ENDOG: variants seen among roughly 807,000 people sequenced by gnomAD.
ENDOG encodes endonuclease G.
In ENDOG, 22 loss-of-function variants were observed where a neutral mutation model predicts 22.6. That is an observed-to-expected ratio of 0.97 (90% confidence interval 0.70 to 1.39). ENDOG has a LOEUF of 1.39. Among genes scored for constraint, ENDOG ranks in the 40% most tolerant of loss-of-function variants. The pLI, the probability that ENDOG is intolerant of heterozygous loss-of-function variation, is 0.00. For synonymous variants in ENDOG, 173 were observed against 200.2 expected, an observed-to-expected ratio of 0.86 and a Z score of 1.15; for missense variants, 403 against 431.3, an observed-to-expected ratio of 0.93 and a Z score of 0.58.
At chr9:128,822,068 G>A (rs981737704) in intron 2 of ENDOG, 17 of 536,326 alleles carry the variant, frequency 3.2e-5, no homozygotes, top group African/African-American at 9.5e-5. Context: ...CAGAAGGCTC[G>A]ATTCTCCTAG....
Position 128,820,651 on chromosome 9 carries a change from G to A in ENDOG, c.502-88G>A, listed in dbSNP as rs561556759. 4.1e-5 allele frequency: 45 copies of A among 1,089,338 alleles called. No individual in the cohort carries two copies. In the Admixed American group the frequency reaches 5.5e-4, roughly 13 times the overall value. The allele number at this position is 1,089,338 out of a possible 1,614,324, so 67.5% of individuals were successfully genotyped here. A position where few individuals can be genotyped will look rare whatever the true frequency, so the allele number is the denominator to read the frequency against. ...TGTCTCACTGGATATCTCTGAGCCT[G>A]TCCATCCCCTCAGGACCTGGGGCGG... On this transcript the variant is annotated intron_variant, in intron 1 of 2. Transcript: ENST00000372642.
chr9:128,819,032 C>T lies in ENDOG; in HGVS notation c.348C>T (p.Arg116=). ...GDGDRRECDF[R]EDDSVHAYHR... is the part of the protein sequence containing the mutation. ...GCGACCGGCGCGAGTGCGACTTCCG[C>T]GAGGACGACTCGGTGCACGCGTACC... The change falls in exon 1 of 3, where the codon CGC becomes CGT. Residue 116 remains arginine, a synonymous_variant. Transcript: ENST00000372642. The T allele has an allele frequency of 6.7e-7, 1 of 1,495,862 alleles. No individual in the cohort carries two copies. 92.7% of individuals were successfully genotyped at this position (1,495,862 alleles called of 1,614,324 possible). A position where few individuals can be genotyped will look rare whatever the true frequency, so the allele number is the denominator to read the frequency against.
chr9:128,818,641 T>G lies in ENDOG; in HGVS notation c.-44T>G. ...CGTTGGATCCCGCGACGCGGCTCCT[T>G]TAAGAGCCTCGCGGGTCGCCCGCCG... On this transcript the variant is annotated 5_prime_UTR_variant, in exon 1 of 3. Coordinates refer to ENST00000372642, the MANE Select transcript of ENDOG (RefSeq NM_004435.2). 1 of 1,145,968 alleles carries G rather than the reference T, an allele frequency of 8.7e-7. No individual in the cohort carries two copies. Among genetic ancestry groups the G allele is most frequent in the Non-Finnish European group, 1.1e-6 (1 of 932,824 alleles). The allele number at this position is 1,145,968 out of a possible 1,614,324, so 71.0% of individuals were successfully genotyped here.
intron 1 of ENDOG, 107 bp downstream of exon 1, chr9:128,819,292 C>G (rs897944698): frequency 1.1e-5 from 15 of 1,355,752 alleles, no homozygotes; most frequent in African/African-American, 1.1e-4. Context: ...AACGCGCCCC[C>G]GGTCAGGCAT....
intron 2 of ENDOG, chr9:128,821,649 A>T: frequency 6.5e-6 from 1 of 154,530 alleles, no homozygotes; most frequent in Non-Finnish European, 1.4e-5. Flanking sequence ...GCTGAGAGGC[A>T]ACAGGTCCAG....
chr9:128,820,500 C>T lies in ENDOG; in HGVS notation c.502-239C>T, dbSNP rs1416276039. On this transcript the variant is annotated intron_variant, in intron 1 of 2. Transcript: ENST00000372642. ...AGACAGGCTCTTCCTTCATTCGACT[C>T]TTGGGAGCTGAGAAAAGACTTTGAC... is the stretch of plus-strand genomic sequence containing the variant. The T allele has an allele frequency of 2.1e-5, 11 of 531,046 alleles. No homozygotes were observed. The East Asian group carries it at 3.1e-4, about 15-fold the overall frequency. The allele number at this position is 531,046 out of a possible 1,614,324, so 32.9% of individuals were successfully genotyped here.
At chr9:128,822,249 A>G (rs981852271) in intron 2 of ENDOG, 79 bp from the exon 3 acceptor site, 2 of 1,539,356 alleles carry the variant, frequency 1.3e-6, no homozygotes, top group African/African-American at 2.7e-5. Flanking sequence ...TAGAGGACAG[A>G]TCAGGGAAGG....
At position 128,818,860 on chromosome 9, in the gene ENDOG, G is replaced by T. The variant is rs1337340906; in HGVS notation, c.176G>T (p.Arg59Leu). ...AELPPVPGGP[R>L]GPGELAKYGL... ...TTGCCCCCTGTGCCCGGGGGACCCC[G>T]CGGCCCGGGCGAGCTGGCCAAGTAC... The change falls in exon 1 of 3, where the codon CGC (arginine) becomes CTC (leucine). Residue 59 changes from arginine to leucine, a missense_variant. Transcript: ENST00000372642. 1 of 1,408,432 alleles carries T rather than the reference G, an allele frequency of 7.1e-7. No homozygotes were observed. Among genetic ancestry groups the T allele is most frequent in the South Asian group, 1.5e-5 (1 of 66,820 alleles). 87.2% of individuals were successfully genotyped at this position (1,408,432 alleles called of 1,614,324 possible).
intron 2 of ENDOG, 189 bp from the exon 3 acceptor site, chr9:128,822,139 A>G: frequency 1.5e-6 from 1 of 657,982 alleles, no homozygotes. Flanking sequence ...AACAGAGGGA[A>G]AGAGTTAACC....
Position 128,818,755 on chromosome 9 carries a change from G to T in ENDOG, c.71G>T (p.Arg24Leu), listed in dbSNP as rs1366960219. The T allele has an allele frequency of 7.7e-6, 9 of 1,174,536 alleles. No homozygotes were observed. The highest frequency in any genetic ancestry group is 9.5e-6 in the Non-Finnish European group (9 of 951,988). The allele number at this position is 1,174,536 out of a possible 1,614,324, so 72.8% of individuals were successfully genotyped here. Reference sequence around the variant, plus strand: ...CTGGGTGCGGTCGTCGAGGGCTGGCGGCGGCGGCGGGAGGACGCGCGGGCG... The same window carrying T: ...CTGGGTGCGGTCGTCGAGGGCTGGCTGCGGCGGCGGGAGGACGCGCGGGCG... ...AGLGAVVEGW[R>L]RRREDARAAP... is the part of the protein sequence containing the mutation. Residue 24 changes from arginine (R) to leucine (L), a missense_variant, in exon 1 of 3, where the codon CGG becomes CTG. Coordinates refer to ENST00000372642, the MANE Select transcript of ENDOG (RefSeq NM_004435.2).
intron 2 of ENDOG, chr9:128,821,227 C>T (rs918337062): frequency 3.1e-5 from 8 of 258,358 alleles, no homozygotes; most frequent in Admixed American, 2.0e-4. Context: ...CAAGCTCTCC[C>T]GCCTTCCCCC....
rs146032272 is a variant in ENDOG at position 128,822,441 on chromosome 9, T to C, written c.725T>C (p.Ile242Thr). 1.3e-4 allele frequency: 200 copies of C among 1,594,770 alleles called. No homozygotes were observed. The Middle Eastern group carries it at 1.7e-3, about 13-fold the overall frequency. ...VLILEAAGGQ[I>T]ELRTYVMPNA... ...ATCCTGGAGGCAGCAGGTGGGCAAA[T>C]TGAGCTCCGCACCTACGTGATGCCC... Residue 242 changes from isoleucine to threonine, a missense_variant, in exon 3 of 3, where the codon ATT (isoleucine) becomes ACT (threonine). Transcript: ENST00000372642.
At chr9:128,822,289 C>G in intron 2 of ENDOG, 39 bp from the exon 3 acceptor site, 1 of 1,597,714 alleles carries the variant, frequency 6.3e-7, no homozygotes, top group Non-Finnish European at 8.5e-7. Context: ...TTGGGTTCAT[C>G]CAGGCCCCCT....
In ENDOG at chr9:128,822,368, A is replaced by G; in HGVS notation, c.652A>G (p.Ile218Val). Reference sequence around the variant, plus strand: ...GAAATCCTACGTAAAGTACCAGGTCATCGGCAAGAACCACGTGGCAGTGCC... The same window carrying G: ...GAAATCCTACGTAAAGTACCAGGTCGTCGGCAAGAACCACGTGGCAGTGCC... ...DGKSYVKYQV[I>V]GKNHVAVPTH... Residue 218 changes from isoleucine to valine, a missense_variant, in exon 3 of 3, where the codon ATC becomes GTC. By Grantham distance (29) the Ile-to-Val change is conservative. Transcript: ENST00000372642. 1 of 1,613,992 alleles carries G rather than the reference A, an allele frequency of 6.2e-7. No homozygotes were observed. The highest frequency in any genetic ancestry group is 8.5e-7 in the Non-Finnish European group (1 of 1,179,994).
intron 1 of ENDOG, among the ~76,000 whole-genome samples, chr9:128,819,445 C>T (rs781134142): frequency 1.3e-5 from 2 of 152,196 alleles, no homozygotes; most frequent in Non-Finnish European, 2.9e-5. Context: ...GGGGATAATA[C>T]CGTTATTCAC....
Position 128,822,666 on chromosome 9 carries a change from T to G in ENDOG, c.*56T>G. ...GCAGGCCGGGGAGTATTAAAGGTGG[T>G]GATTTTTGGAGACAAGTCTGGTGGC... On this transcript the variant is annotated 3_prime_UTR_variant, in exon 3 of 3. Transcript: ENST00000372642. 1 of 1,553,704 alleles carries G rather than the reference T, an allele frequency of 6.4e-7. No homozygotes were observed. The highest frequency in any genetic ancestry group is 8.7e-7 in the Non-Finnish European group (1 of 1,147,948).
chr9:128,822,166 C>T, intron 2 of ENDOG, 162 bp from the exon 3 acceptor site: 1 of 799,460 alleles, frequency 1.3e-6, no homozygotes, highest in Non-Finnish European at 1.9e-6. Context: ...GAGAGAGTTC[C>T]AGCCTCAAGG....
At position 128,819,115 on chromosome 9, in the gene ENDOG, C is replaced by T; in HGVS notation, c.431C>T (p.Ala144Val). 5.9e-6 allele frequency: 9 copies of T among 1,519,814 alleles called. No individual in the cohort carries two copies. Among genetic ancestry groups the T allele is most frequent in the Non-Finnish European group, 7.9e-6 (9 of 1,137,212 alleles). The allele number at this position is 1,519,814 out of a possible 1,614,324, so 94.1% of individuals were successfully genotyped here. A position where few individuals can be genotyped will look rare whatever the true frequency, so the allele number is the denominator to read the frequency against. Residue 144 changes from alanine to valine, a missense_variant, in exon 1 of 3, where the codon GCC becomes GTC. By Grantham distance (64) the Ala-to-Val change is moderately conservative (BLOSUM62 0). Transcript: ENST00000372642. ...GSGFDRGHLA[A>V]AANHRWSQKA... is the part of the protein sequence containing the mutation. ...GGCTTCGACCGCGGTCACCTGGCCG[C>T]CGCCGCCAACCACCGCTGGAGCCAG...
chr9:128,822,543 T>G lies in ENDOG; in HGVS notation c.827T>G (p.Leu276Arg). Residue 276 changes from leucine (L) to arginine (R), a missense_variant, in exon 3 of 3, where the codon CTG becomes CGG. By Grantham distance (102) the Leu-to-Arg change is moderately radical (BLOSUM62 -2). Coordinates refer to ENST00000372642, the MANE Select transcript of ENDOG (RefSeq NM_004435.2). Reference sequence around the variant, plus strand: ...GAGAGCATTGAGCGGGCTTCGGGGCTGCTCTTTGTGCCAAACATCCTGGCG... The same window carrying G: ...GAGAGCATTGAGCGGGCTTCGGGGCGGCTCTTTGTGCCAAACATCCTGGCG... ...PIESIERASG[L>R]LFVPNILARA... The G allele has an allele frequency of 1.3e-6, 2 of 1,560,422 alleles. No individual in the cohort carries two copies. Among genetic ancestry groups the G allele is most frequent in the Non-Finnish European group, 8.7e-7 (1 of 1,151,806 alleles).
Sources: allele counts gnomAD v4.1 joint callset (sites outside exome capture counted in the v4.1 genomes callset), GRCh38; gene constraint gnomAD v4.1.1; transcripts MANE v1.5; gene names NCBI Gene and HGNC (gene_info 2026-07-23, HGNC 2026-07-21).